The following LOXL4 variants were observed in gnomAD, a reference collection of about 807,000 sequenced individuals.
LOXL4 encodes the protein lysyl oxidase homolog 4.
Under a neutral mutation model 89.1 loss-of-function variants are expected in LOXL4, and 72 were observed. The ratio of observed to expected loss-of-function variants is 0.81; its 90% CI spans 0.67 to 0.98. The LOEUF is 0.98. Ranked by LOEUF, LOXL4 falls within the 50% of genes least tolerant of loss-of-function variation. LOXL4 has a pLI of 0.00. For synonymous variants in LOXL4, 355 were observed against 392.1 expected (o/e 0.91, Z 1.12); for missense variants, 984 against 1,017.5 (o/e 0.97, Z 0.45).
intron 6 of LOXL4, among the ~76,000 whole-genome samples, chr10:98,258,687 C>T (rs866273962): frequency 6.6e-6 from 1 of 152,198 alleles, no homozygotes; most frequent in Admixed American, 6.5e-5. Context: ...ACTTGCTCAT[C>T]TCCTCTTTAA....
chr10:98,251,031 A>G, intron 14 of LOXL4, 34 bp downstream of exon 14: 1 of 1,494,014 alleles, frequency 6.7e-7, no homozygotes, highest in Non-Finnish European at 9.3e-7. Context: ...CCCTGAGCCT[A>G]TAGATGGCTG....
chr10:98,261,211 G>A (rs1858531087), intron 3 of LOXL4, 84 bp from the exon 4 acceptor site: 2 of 1,454,426 alleles, frequency 1.4e-6, no homozygotes, highest in Non-Finnish European at 1.9e-6. Flanking sequence ...CAGAAAGGCT[G>A]GGGCTTGGAG....
chr10:98,252,041 G>T (rs112647208), intron 12 of LOXL4: 1 of 479,674 alleles, frequency 2.1e-6, no homozygotes. Flanking sequence ...GACTGTGGGT[G>T]TGCAGACAGG....
Position 98,257,687 on chromosome 10 carries a change from ACAG to A in LOXL4, c.1220_1222del (p.Ala407del). Reference sequence around the variant, plus strand: ...GCCCATGTTAGGGACATTGCACCTGACAGCAGCATCATTCTCATGTTGGCAACC... The same window carrying A: ...GCCCATGTTAGGGACATTGCACCTGACAGCATCATTCTCATGTTGGCAACC... On this transcript the variant is annotated inframe_deletion, in exon 8 of 15. Transcript: ENST00000260702. The A allele has an allele frequency of 6.2e-7, 1 of 1,614,072 alleles. No homozygotes were observed. Among genetic ancestry groups the A allele is most frequent in the South Asian group, 1.1e-5 (1 of 91,078 alleles).
chr10:98,260,087 C>T (rs78521529), intron 4 of LOXL4, among the ~76,000 whole-genome samples: 179 of 152,320 alleles, frequency 1.2e-3, no homozygotes, highest in African/African-American at 4.0e-3. Context: ...CTCCCTGACA[C>T]GGATCTGGCA....
chr10:98,251,380 T>G (rs1039996950), intron 13 of LOXL4, among the ~76,000 whole-genome samples, 186 bp downstream of exon 13: 1 of 152,224 alleles, frequency 6.6e-6, no homozygotes, highest in African/African-American at 2.4e-5. Context: ...GTTCACTGAA[T>G]CAATACTCAA....
At chr10:98,250,947 C>T (rs1217882543) in intron 14 of LOXL4, 118 bp downstream of exon 14, 1 of 719,128 alleles carries the variant, frequency 1.4e-6, no homozygotes, top group Non-Finnish European at 2.4e-6. Flanking sequence ...CATCCATAGC[C>T]TTTTGCACAC....
At chr10:98,260,712 CA>C (rs1858511324) in intron 4 of LOXL4, among the ~76,000 whole-genome samples, 1 of 152,120 alleles carries the variant, frequency 6.6e-6, no homozygotes, top group African/African-American at 2.4e-5. Flanking sequence ...CAGACAACAC[CA>C]CTGCCAGTCA....
chr10:98,248,943 C>T lies in LOXL4; in HGVS notation c.2249G>A (p.Arg750His), dbSNP rs773770544. The change falls in exon 15 of 15, where the codon CGT becomes CAT. Residue 750 changes from arginine (R) to histidine (H), a missense_variant. Transcript: ENST00000260702. The part of the protein sequence containing the change: ...NAELSLEQEQ[R>H]LRNNLI ...GCTTCAGATGAGGTTGTTCCTGAGA[C>T]GCTGTTCCTGCTCCAGGGAGAGTTC... 2.5e-5 allele frequency: 40 copies of T among 1,613,746 alleles called. No homozygotes were observed. Among genetic ancestry groups the T allele is most frequent in the African/African-American group, 1.5e-4 (11 of 74,934 alleles).
chr10:98,265,685 A>G lies in LOXL4; in HGVS notation c.-33+2447T>C, dbSNP rs1173746259. 4.2e-5 allele frequency among the ~76,000 whole-genome samples: 3 copies of G among 71,398 alleles called. 1 individual carries two copies. The highest frequency in any genetic ancestry group is 1.5e-4 in the African/African-American group (3 of 20,484). The allele number at this position is 71,398 out of a possible 152,430, so 46.8% of individuals were successfully genotyped here. A position where few individuals can be genotyped will look rare whatever the true frequency, so the allele number is the denominator to read the frequency against. ...AGTGACGGGATTACCAGCGTGAGCC[A>G]CTACATCGGCCAACAATGAACTATT... On this transcript the variant is annotated intron_variant, in intron 1 of 14. Coordinates refer to ENST00000260702, the MANE Select transcript of LOXL4 (RefSeq NM_032211.7).
chr10:98,259,259 A>T (rs756379943), intron 5 of LOXL4, 31 bp from the exon 6 acceptor site: 1 of 1,599,518 alleles, frequency 6.3e-7, no homozygotes, highest in South Asian at 1.1e-5. Context: ...AGGGTGGAGG[A>T]AGGGCTGAGG....
chr10:98,265,005 C>T (rs1239923432), intron 1 of LOXL4, among the ~76,000 whole-genome samples: 1 of 152,186 alleles, frequency 6.6e-6, no homozygotes, highest in Non-Finnish European at 1.5e-5. Flanking sequence ...GGAGTGGGCT[C>T]CTAAAAGTGC....
At chr10:98,259,292 G>A in intron 5 of LOXL4, 64 bp from the exon 6 acceptor site, 1 of 1,583,080 alleles carries the variant, frequency 6.3e-7, no homozygotes, top group Non-Finnish European at 8.7e-7. Flanking sequence ...GACTAAGGGA[G>A]GCCAAGGTAG....
At position 98,260,915 on chromosome 10, in the gene LOXL4, C is replaced by T. The variant is rs1858516439; in HGVS notation, c.662+7G>A. 1.9e-6 allele frequency: 3 copies of T among 1,605,902 alleles called. No homozygotes were observed. The highest frequency in any genetic ancestry group is 2.5e-6 in the Non-Finnish European group (3 of 1,176,528). On this transcript the variant is annotated splice_region_variant and intron_variant, in intron 4 of 14. Transcript: ENST00000260702. ...TCCTGTGGGGCCTACGCCAGCCGCC[C>T]TCCTACCTGTAGTAGTGGCTGTCGA...
intron 9 of LOXL4, 99 bp downstream of exon 9, chr10:98,256,681 G>T: frequency 7.1e-7 from 1 of 1,414,370 alleles, no homozygotes. Context: ...GTAATGAATT[G>T]CCAAATGGGC....
Position 98,262,764 on chromosome 10 carries a change from C to G in LOXL4, c.256G>C (p.Ala86Pro). 1 of 1,613,134 alleles carries G rather than the reference C, an allele frequency of 6.2e-7. No individual in the cohort carries two copies. Residue 86 changes from alanine to proline, a missense_variant, in exon 2 of 15, where the codon GCC (alanine) becomes CCC (proline). Ala to Pro is a conservative substitution (Grantham distance 27). Transcript: ENST00000260702. Reference protein sequence around the residue: ...FEAALTWAHSAKYGQGEGPIW... With the variant: ...FEAALTWAHSPKYGQGEGPIW... ...TCACCCTCCCCTTGGCCGTACTTGGCACTGTGGGCCCAGGTCAAGGCAGCT... is the reference window on the plus strand; with the variant it reads ...TCACCCTCCCCTTGGCCGTACTTGGGACTGTGGGCCCAGGTCAAGGCAGCT...
At chr10:98,259,591 G>A (rs148718673) in intron 4 of LOXL4, among the ~76,000 whole-genome samples, 162 bp from the exon 5 acceptor site, 3 of 152,302 alleles carry the variant, frequency 2.0e-5, no homozygotes, top group Non-Finnish European at 2.9e-5. Flanking sequence ...AGCCCTGACG[G>A]GGTGGCCACC....
chr10:98,252,410 T>G lies in LOXL4; in HGVS notation c.1894A>C (p.Lys632Gln), dbSNP rs1446765226. 6.2e-7 allele frequency: 1 copy of G among 1,614,096 alleles called. No homozygotes were observed. Among genetic ancestry groups the G allele is most frequent in the Admixed American group, 1.7e-5 (1 of 60,010 alleles). ...CTGGCCTTGTGCCCCTCAGCCACCTTGGAGCCATTGAGAGTGAGGAGGTCG... is the reference window on the plus strand; with the variant it reads ...CTGGCCTTGTGCCCCTCAGCCACCTGGGAGCCATTGAGAGTGAGGAGGTCG... ...HYDLLTLNGS[K>Q]VAEGHKASFC... is the part of the protein sequence containing the mutation. Residue 632 changes from lysine to glutamine, a missense_variant, in exon 12 of 15, where the codon AAG (lysine) becomes CAG (glutamine). Physicochemically the swap from Lys to Gln is moderately conservative, Grantham distance 53. Coordinates refer to ENST00000260702, the MANE Select transcript of LOXL4 (RefSeq NM_032211.7).
At chr10:98,262,289 C>A (rs1364527106) in intron 2 of LOXL4, 76 bp from the exon 3 acceptor site, 1 of 1,495,752 alleles carries the variant, frequency 6.7e-7, no homozygotes, top group Non-Finnish European at 9.1e-7. Flanking sequence ...TAGGACCCCA[C>A]ACTTACCAAG....
Sources: allele counts gnomAD v4.1 joint callset (sites outside exome capture counted in the v4.1 genomes callset), GRCh38; gene constraint gnomAD v4.1.1; transcripts MANE v1.5; gene names NCBI Gene and HGNC (gene_info 2026-07-23, HGNC 2026-07-21).